Variants in ARID1B observed in about 807,000 individuals in gnomAD.
ARID1B encodes AT-rich interactive domain-containing protein 1B.
A neutral mutation model predicts 212.3 loss-of-function variants in ARID1B; 30 were observed. The ratio of observed to expected loss-of-function variants is 0.14; its 90% confidence interval spans 0.11 to 0.19. The LOEUF (loss-of-function observed/expected upper bound fraction) is 0.19, where lower values mean the gene tolerates loss of function less well. ARID1B is among the 10% of genes least tolerant of loss of function. The pLI, the probability that ARID1B is intolerant of heterozygous loss-of-function variation, is 1.00. For missense variants in ARID1B, 2,891 were observed against 3,204.0 expected (o/e 0.90, Z 2.36); for synonymous variants, 1,402 against 1,301.7 (o/e 1.08, Z -1.66).
intron 2 of ARID1B, among the ~76,000 whole-genome samples, chr6:156,882,414 C>T (rs1256810354): frequency 6.6e-6 from 1 of 152,132 alleles, no homozygotes; most frequent in Non-Finnish European, 1.5e-5. Context: ...ATCTACAGGG[C>T]CTGGGATGAT....
chr6:156,778,538 G>A lies in ARID1B; in HGVS notation c.858G>A (p.Pro286=), dbSNP rs1459256173. The A allele has an allele frequency of 6.5e-6, 8 of 1,227,282 alleles. No individual in the cohort carries two copies. The highest frequency in any genetic ancestry group is 7.1e-6 in the Non-Finnish European group (7 of 987,528). The allele number at this position is 1,227,282 out of a possible 1,614,324, so 76.0% of individuals were successfully genotyped here. The change falls in exon 1 of 20, where the codon CCG becomes CCA. Residue 286 remains proline, a synonymous_variant. Transcript: ENST00000636930. The part of the protein sequence containing the change: ...GEPAGGRYEH[P]GLGALGTQQP... Reference sequence around the variant, plus strand: ...CGGCGGGCGGCCGCTACGAGCACCCGGGCTTGGGCGCCCTGGGCACGCAGC... The same window carrying A: ...CGGCGGGCGGCCGCTACGAGCACCCAGGCTTGGGCGCCCTGGGCACGCAGC...
intron 19 of ARID1B, 56 bp downstream of exon 19, chr6:157,204,052 T>C: frequency 6.2e-7 from 1 of 1,602,406 alleles, no homozygotes; most frequent in Non-Finnish European, 8.5e-7. Context: ...CATCAGGCCA[T>C]GCACATTTGT....
At chr6:157,180,180 C>T (rs1367574550) in intron 11 of ARID1B, among the ~76,000 whole-genome samples, 3 of 152,114 alleles carry the variant, frequency 2.0e-5, no homozygotes, top group Non-Finnish European at 2.9e-5. Context: ...ATGTAATCCA[C>T]GGAGTAGGCT....
At chr6:156,856,284 T>C (rs137929686) in intron 2 of ARID1B, among the ~76,000 whole-genome samples, 310 of 152,330 alleles carry the variant, frequency 2.0e-3, no homozygotes, top group Non-Finnish European at 3.2e-3. Flanking sequence ...TGTGTGTGTG[T>C]ATGTGGTGAC....
rs565370679 is a variant in ARID1B, at chr6:156,835,100, C to T, written c.1986+5679C>T. Among the ~76,000 whole-genome samples the T allele has an allele frequency of 5.9e-5, 9 of 152,072 alleles. No individual in the cohort carries two copies. The South Asian group carries it at 1.0e-3, about 18-fold the overall frequency. ...AAAAAAATACAAAAAAATTAGCCGG[C>T]GTGGTGGCGGGCGCCTGTAGTCCCA... is the stretch of plus-strand genomic sequence containing the variant. On this transcript the variant is annotated intron_variant, in intron 2 of 19. Coordinates refer to ENST00000636930, the MANE Select transcript of ARID1B (RefSeq NM_001374828.1).
intron 7 of ARID1B, among the ~76,000 whole-genome samples, chr6:157,143,184 CTG>C (rs1789493720): frequency 6.6e-6 from 1 of 152,134 alleles, no homozygotes; most frequent in African/African-American, 2.4e-5. Flanking sequence ...CACTTGAAAA[CTG>C]TGGGTCCTTG....
At chr6:156,869,414 C>T (rs994180814) in intron 2 of ARID1B, among the ~76,000 whole-genome samples, 11 of 152,258 alleles carry the variant, frequency 7.2e-5, no homozygotes, top group African/African-American at 2.6e-4. Flanking sequence ...GGATGAGAGA[C>T]ATTTTTATAT....
At chr6:156,786,856 C>G (rs761251863) in intron 1 of ARID1B, among the ~76,000 whole-genome samples, 2 of 151,804 alleles carry the variant, frequency 1.3e-5, no homozygotes, top group African/African-American at 4.8e-5. Context: ...ATACCTGGAT[C>G]GTGGTATTGC....
chr6:156,860,050 C>T lies in ARID1B; in HGVS notation c.1986+30629C>T, dbSNP rs78424490. 2.1e-3 allele frequency among the ~76,000 whole-genome samples: 320 copies of T among 152,294 alleles called. 1 individual carries two copies. Among genetic ancestry groups the T allele is most frequent in the African/African-American group, 6.8e-3 (282 of 41,564 alleles). ...AAGTGTTCAGAATGGAATCTTCCTG[C>T]TCAGTCAGTTTGTTAGTGGATAAGT... On this transcript the variant is annotated intron_variant, in intron 2 of 19. Coordinates refer to ENST00000636930, the MANE Select transcript of ARID1B (RefSeq NM_001374828.1).
At chr6:156,926,621 C>G (rs1791237206) in intron 3 of ARID1B, among the ~76,000 whole-genome samples, 1 of 152,150 alleles carries the variant, frequency 6.6e-6, no homozygotes, top group Admixed American at 6.5e-5. Context: ...CATCTTGTTT[C>G]ACCTCTGTCT....
intron 4 of ARID1B, among the ~76,000 whole-genome samples, chr6:157,029,392 C>T (rs1008785230): frequency 3.3e-5 from 5 of 152,162 alleles, no homozygotes; most frequent in African/African-American, 7.2e-5. Flanking sequence ...TTGTTATAGT[C>T]TTTAGCGCAT....
At chr6:156,895,135 A>G (rs1788281359) in intron 2 of ARID1B, among the ~76,000 whole-genome samples, 1 of 152,154 alleles carries the variant, frequency 6.6e-6, no homozygotes, top group Non-Finnish European at 1.5e-5. Context: ...ATGATATGGT[A>G]TGTTTTCTTT....
intron 2 of ARID1B, among the ~76,000 whole-genome samples, chr6:156,830,380 T>A (rs1783062785): frequency 6.6e-6 from 1 of 152,188 alleles, no homozygotes; most frequent in Non-Finnish European, 1.5e-5. Flanking sequence ...CAGGAAATGC[T>A]TCCATCTGAC....
chr6:157,040,484 C>CT (rs1301964929), intron 4 of ARID1B, among the ~76,000 whole-genome samples: 1 of 152,160 alleles, frequency 6.6e-6, no homozygotes, highest in Non-Finnish European at 1.5e-5. Context: ...TCTTTCTGTA[C>CT]TTTTTTTCCT....
intron 2 of ARID1B, among the ~76,000 whole-genome samples, chr6:156,867,718 G>A (rs942358128): frequency 2.0e-5 from 3 of 152,154 alleles, no homozygotes; most frequent in Non-Finnish European, 4.4e-5. Flanking sequence ...TACTTCTGGT[G>A]TGACTTTTAA....
intron 4 of ARID1B, among the ~76,000 whole-genome samples, chr6:156,971,841 C>T (rs1182735380): frequency 1.3e-5 from 2 of 152,130 alleles, no homozygotes; most frequent in African/African-American, 2.4e-5. Context: ...ATTTCCTTTT[C>T]GATTAACTAA....
chr6:157,105,642 C>A (rs2128505298), intron 5 of ARID1B, among the ~76,000 whole-genome samples: 1 of 152,228 alleles, frequency 6.6e-6, no homozygotes, highest in Non-Finnish European at 1.5e-5. Context: ...TGCTCTGTCG[C>A]CCAGGCTGGA....
chr6:156,817,341 G>A (rs546994017), intron 1 of ARID1B, among the ~76,000 whole-genome samples: 6 of 151,250 alleles, frequency 4.0e-5, no homozygotes, highest in African/African-American at 1.2e-4. Context: ...GAGAGAATCC[G>A]TATCAAAAAA....
intron 4 of ARID1B, among the ~76,000 whole-genome samples, chr6:156,964,084 G>A (rs1026087929): frequency 1.2e-4 from 19 of 152,236 alleles, no homozygotes; most frequent in Non-Finnish European, 2.4e-4. Flanking sequence ...CCCTTGGCCT[G>A]CAGTTGTGGG....
Sources: gnomAD v4.1 joint callset for allele counts (sites outside exome capture counted in the v4.1 genomes callset) on GRCh38, gnomAD v4.1.1 for gene constraint, MANE v1.5 for transcripts, NCBI Gene and HGNC (gene_info 2026-07-23, HGNC 2026-07-21) for gene names.